PLD5: variants seen among roughly 807,000 people sequenced by gnomAD.
PLD5 encodes inactive phospholipase D5.
A neutral mutation model predicts 61.1 loss-of-function variants in PLD5; 36 were observed. That is an observed-to-expected ratio of 0.59 (90% CI 0.45 to 0.78). The LOEUF is 0.78. Ranked by LOEUF, PLD5 falls within the 30% of genes least tolerant of loss-of-function variation. PLD5 has a pLI of 0.00. For missense variants in PLD5, 515 were observed against 644.4 expected (o/e 0.80, Z 2.17); for synonymous variants, 243 against 242.8 (o/e 1.00, Z -0.01).
At chr1:242,217,460 T>TA (rs1384905791) in intron 5 of PLD5, among the ~76,000 whole-genome samples, 1 of 151,840 alleles carries the variant, frequency 6.6e-6, no homozygotes, top group African/African-American at 2.4e-5. Flanking sequence ...CCATCTCTAC[T>TA]AAAAAATACA....
chr1:242,355,603 A>T (rs916591437), intron 1 of PLD5, among the ~76,000 whole-genome samples: 1 of 151,050 alleles, frequency 6.6e-6, no homozygotes, highest in Non-Finnish European at 1.5e-5. Context: ...TTTCTATTTC[A>T]TTTATTTCTG....
intron 1 of PLD5, among the ~76,000 whole-genome samples, chr1:242,415,835 G>T (rs1476945337): frequency 6.6e-6 from 1 of 152,094 alleles, no homozygotes. Context: ...GTTACCTAAG[G>T]AAAGTTCTAG....
chr1:242,505,087 G>A (rs1433428576), intron 1 of PLD5, among the ~76,000 whole-genome samples: 1 of 152,194 alleles, frequency 6.6e-6, no homozygotes. Flanking sequence ...AGCCCAGGAC[G>A]TGGAGGCTGC....
intron 7 of PLD5, among the ~76,000 whole-genome samples, chr1:242,111,080 G>T (rs1285246536): frequency 1.3e-5 from 2 of 150,148 alleles, no homozygotes; most frequent in Non-Finnish European, 3.0e-5. Flanking sequence ...TTTTTAAACG[G>T]AGTTTCACTC....
At chr1:242,236,485 A>G (rs189366828) in intron 4 of PLD5, among the ~76,000 whole-genome samples, 1 of 152,198 alleles carries the variant, frequency 6.6e-6, no homozygotes, top group Non-Finnish European at 1.5e-5. Flanking sequence ...CGAGTCAAGA[A>G]TATAAGCAAT....
At chr1:242,313,890 T>G (rs1440601565) in intron 2 of PLD5, among the ~76,000 whole-genome samples, 1 of 152,074 alleles carries the variant, frequency 6.6e-6, no homozygotes, top group Non-Finnish European at 1.5e-5. Context: ...TGCAGGGTTT[T>G]CAAGGTGAAT....
chr1:242,272,524 A>G (rs938747383), intron 3 of PLD5, among the ~76,000 whole-genome samples: 1 of 152,204 alleles, frequency 6.6e-6, no homozygotes, highest in African/African-American at 2.4e-5. Context: ...AGTTATAATG[A>G]GATATTCTAT....
intron 1 of PLD5, among the ~76,000 whole-genome samples, chr1:242,389,521 C>A (rs1662796611): frequency 6.6e-6 from 1 of 151,758 alleles, no homozygotes. Context: ...GTAATGAATA[C>A]CTCACTGTGC....
chr1:242,524,181 G>A lies in PLD5; in HGVS notation c.96C>T (p.Ser32=), dbSNP rs1364012341. Residue 32 remains serine (S), a synonymous_variant, in exon 1 of 10, where the codon AGC becomes AGT. Coordinates refer to ENST00000536534, the MANE Select transcript of PLD5 (RefSeq NM_001372062.1). ...AGAAGTTCGCGCCCACTCGGGTCAG[G>A]CTTGGGGAGGGCTCCTTGGGGCGGC... The part of the protein sequence containing the change: ...LKSRPKEPSP[S]LTRVGANFYS... 1 of 1,534,844 alleles carries A rather than the reference G, an allele frequency of 6.5e-7. No individual in the cohort carries two copies. The highest frequency in any genetic ancestry group is 1.2e-5 in the South Asian group (1 of 84,048).
chr1:242,413,184 A>G (rs1664647706), intron 1 of PLD5, among the ~76,000 whole-genome samples: 1 of 152,128 alleles, frequency 6.6e-6, no homozygotes, highest in African/African-American at 2.4e-5. Context: ...CTCCATGCTG[A>G]CACTCTGACC....
chr1:242,142,447 A>G (rs567394721), intron 5 of PLD5, among the ~76,000 whole-genome samples: 1 of 152,312 alleles, frequency 6.6e-6, no homozygotes, highest in South Asian at 2.1e-4. Context: ...TCCCCTTTGT[A>G]TATTTCCAAA....
intron 2 of PLD5, among the ~76,000 whole-genome samples, chr1:242,299,986 T>C (rs965471490): frequency 6.6e-6 from 1 of 152,172 alleles, no homozygotes; most frequent in African/African-American, 2.4e-5. Flanking sequence ...GATAAAAAGA[T>C]GGCAGGTGTG....
chr1:242,313,668 A>C (rs1267278270), intron 2 of PLD5, among the ~76,000 whole-genome samples: 1 of 152,134 alleles, frequency 6.6e-6, no homozygotes, highest in Non-Finnish European at 1.5e-5. Flanking sequence ...TTCATTTCCC[A>C]CATTTTGGTC....
chr1:242,171,320 C>A (rs956903651), intron 5 of PLD5, among the ~76,000 whole-genome samples: 4 of 152,156 alleles, frequency 2.6e-5, no homozygotes, highest in African/African-American at 9.7e-5. Context: ...AAATCCTTTA[C>A]AGACAAGCAA....
intron 1 of PLD5, among the ~76,000 whole-genome samples, chr1:242,383,116 C>G (rs995041579): frequency 1.3e-5 from 2 of 152,130 alleles, no homozygotes; most frequent in African/African-American, 4.8e-5. Flanking sequence ...ATGGAATCAG[C>G]GATTCTATCT....
chr1:242,329,017 TTA>T (rs778294219), intron 2 of PLD5, among the ~76,000 whole-genome samples: 79 of 28,722 alleles, frequency 2.8e-3, no homozygotes, highest in South Asian at 0.025. Flanking sequence ...TATTTATTTA[TTA>T]TTTTTTTGAG....
chr1:242,097,004 G>A (rs1660302614), intron 9 of PLD5, among the ~76,000 whole-genome samples: 1 of 151,592 alleles, frequency 6.6e-6, no homozygotes, highest in Non-Finnish European at 1.5e-5. Flanking sequence ...GCGGTGTTTG[G>A]TTTTTTGTCC....
chr1:242,196,957 G>A (rs553134464), intron 5 of PLD5, among the ~76,000 whole-genome samples: 1 of 152,214 alleles, frequency 6.6e-6, no homozygotes, highest in East Asian at 1.9e-4. Flanking sequence ...TAGAGACAGG[G>A]ACTCACACTT....
chr1:242,308,487 C>T (rs1010847807), intron 2 of PLD5, among the ~76,000 whole-genome samples: 1 of 152,062 alleles, frequency 6.6e-6, no homozygotes, highest in African/African-American at 2.4e-5. Context: ...TGAATCATAT[C>T]TTTTAAAACT....
Sources: gnomAD v4.1 joint callset for allele counts (sites outside exome capture counted in the v4.1 genomes callset) on GRCh38, gnomAD v4.1.1 for gene constraint, MANE v1.5 for transcripts, NCBI Gene and HGNC (gene_info 2026-07-23, HGNC 2026-07-21) for gene names.